Variants in GPHN observed in about 807,000 individuals in gnomAD.
GPHN encodes gephyrin.
Under a neutral mutation model 95.5 loss-of-function variants are expected in GPHN, and 17 were observed. That is an observed-to-expected ratio of 0.18 (90% CI 0.12 to 0.27). The LOEUF is 0.27. Among genes scored for constraint, GPHN ranks in the 10% least tolerant of loss-of-function variants. The pLI is 1.00. For missense variants in GPHN, 660 were observed against 978.1 expected, an observed-to-expected ratio of 0.67 and a Z score of 4.34; for synonymous variants, 320 against 322.5, an observed-to-expected ratio of 0.99 and a Z score of 0.08.
chr14:67,333,549 T>C, the GPHN span: 6 of 152,652 alleles, frequency 3.9e-5, no homozygotes, highest in Non-Finnish European at 8.8e-5. Context: ...GTCTTTTGAT[T>C]CTTAAAAAAA....
chr14:67,317,441 A>G, the GPHN span: 1 of 1,612,506 alleles, frequency 6.2e-7, no homozygotes, highest in South Asian at 1.1e-5. Context: ...AATAAAAAGA[A>G]GAGGAAAAAG....
intron 8 of GPHN, among the ~76,000 whole-genome samples, chr14:66,952,779 C>T (rs1350547367): frequency 2.0e-5 from 3 of 152,176 alleles, no homozygotes; most frequent in Non-Finnish European, 4.4e-5. Context: ...ACTGCAACCT[C>T]AGCCTCCCGG....
the GPHN span, among the ~76,000 whole-genome samples, chr14:67,594,445 G>A: frequency 1.3e-5 from 2 of 151,998 alleles, no homozygotes; most frequent in Admixed American, 6.6e-5. Flanking sequence ...TCAAGAGATC[G>A]AGACCATCCT....
rs974341018 is a variant in GPHN, at chr14:66,894,666, A to T, written c.389+14633A>T. Among the ~76,000 whole-genome samples the T allele has an allele frequency of 1.8e-4, 28 of 152,208 alleles. 1 individual carries two copies. The highest frequency in any genetic ancestry group is 6.8e-4 in the African/African-American group (28 of 41,446). ...CAAAGCACTCAAACAAATTTGCAAG[A>T]AAAAAACAACCCCATCAACAAGTGG... On this transcript the variant is annotated intron_variant, in intron 5 of 22. Transcript: ENST00000478722.
the GPHN span, among the ~76,000 whole-genome samples, chr14:67,482,517 C>A: frequency 6.6e-6 from 1 of 152,176 alleles, no homozygotes; most frequent in African/African-American, 2.4e-5. Context: ...AGCTTCACTC[C>A]CCATCCCCAG....
the GPHN span, among the ~76,000 whole-genome samples, chr14:67,382,961 TAGTA>T: frequency 6.6e-6 from 1 of 152,134 alleles, no homozygotes; most frequent in Admixed American, 6.5e-5. Context: ...ACTAGTAAGC[TAGTA>T]AGTAGTAGTT....
intron 18 of GPHN, among the ~76,000 whole-genome samples, chr14:67,155,205 C>T (rs1259825133): frequency 6.6e-6 from 1 of 152,212 alleles, no homozygotes; most frequent in Non-Finnish European, 1.5e-5. Context: ...AGACAATCTG[C>T]AGATAAACTA....
chr14:66,710,753 T>A (rs2069540930), intron 2 of GPHN, among the ~76,000 whole-genome samples: 1 of 152,154 alleles, frequency 6.6e-6, no homozygotes, highest in African/African-American at 2.4e-5. Flanking sequence ...TTCCACTAAA[T>A]AGGGCTTTTT....
At chr14:67,096,945 G>A (rs1278781629) in intron 12 of GPHN, among the ~76,000 whole-genome samples, 1 of 151,960 alleles carries the variant, frequency 6.6e-6, no homozygotes, top group Non-Finnish European at 1.5e-5. Context: ...ATATGGATCA[G>A]CAAAAAGTAT....
At chr14:67,124,244 A>G (rs796352977) in intron 17 of GPHN, among the ~76,000 whole-genome samples, 48 of 152,106 alleles carry the variant, frequency 3.2e-4, no homozygotes, top group African/African-American at 1.1e-3. Context: ...TGTCTCTACT[A>G]AAAATATGAA....
rs1032731974 is a variant in GPHN at position 67,093,006 on chromosome 14, G to C, written c.1237+3931G>C. The stretch of plus-strand genomic sequence containing the variant: ...GGGCAAAAATATGTTAGAACTCCAA[G>C]TTCAGCTTTCTTGAAAAAGTTCAAT... On this transcript the variant is annotated intron_variant, in intron 12 of 22. Transcript: ENST00000478722. Among the ~76,000 whole-genome samples the C allele has an allele frequency of 2.0e-5, 3 of 152,002 alleles. No individual in the cohort carries two copies. The East Asian group carries it at 5.8e-4, about 29-fold the overall frequency.
chr14:66,545,211 AC>A (rs537758341), intron 1 of GPHN, among the ~76,000 whole-genome samples: 119 of 141,102 alleles, frequency 8.4e-4, no homozygotes, highest in Middle Eastern at 3.8e-3. Context: ...CGGGGGGCTG[AC>A]CCCCCCACCT....
chr14:67,088,581 A>G (rs1323946187), intron 11 of GPHN, among the ~76,000 whole-genome samples: 1 of 152,194 alleles, frequency 6.6e-6, no homozygotes, highest in Non-Finnish European at 1.5e-5. Context: ...AAACATATAC[A>G]GAAACATTTA....
At chr14:66,926,521 T>A (rs1236878299) in intron 8 of GPHN, among the ~76,000 whole-genome samples, 1 of 152,200 alleles carries the variant, frequency 6.6e-6, no homozygotes, top group African/African-American at 2.4e-5. Flanking sequence ...CTTTCCCCAA[T>A]GTATGTTCTT....
chr14:66,785,808 T>C (rs2059755651), intron 3 of GPHN, among the ~76,000 whole-genome samples: 1 of 146,444 alleles, frequency 6.8e-6, no homozygotes, highest in African/African-American at 2.5e-5. Context: ...CTCTAGTAAA[T>C]AATCAAATAA....
chr14:66,851,628 G>A (rs1183160125), intron 4 of GPHN, among the ~76,000 whole-genome samples: 1 of 152,162 alleles, frequency 6.6e-6, no homozygotes, highest in Non-Finnish European at 1.5e-5. Flanking sequence ...GGTCAGTTTG[G>A]CTGCAGAATG....
intron 12 of GPHN, among the ~76,000 whole-genome samples, chr14:67,091,218 G>A (rs529232792): frequency 7.0e-4 from 106 of 151,984 alleles, no homozygotes; most frequent in African/African-American, 2.5e-3. Flanking sequence ...CACTAGATTA[G>A]AATACTTCTG....
At chr14:67,039,677 C>T (rs2153635402) in intron 10 of GPHN, among the ~76,000 whole-genome samples, 1 of 152,270 alleles carries the variant, frequency 6.6e-6, no homozygotes, top group African/African-American at 2.4e-5. Flanking sequence ...GCTGTAGTCT[C>T]AGCTACTCAG....
chr14:66,982,719 C>T (rs115500605), intron 9 of GPHN, among the ~76,000 whole-genome samples: 2,303 of 152,256 alleles, frequency 0.015, 33 homozygotes, highest in Non-Finnish European at 0.018. Flanking sequence ...ATTTACTCCA[C>T]AATCCTCACA....
Sources: gnomAD v4.1 joint callset for allele counts (sites outside exome capture counted in the v4.1 genomes callset) on GRCh38, gnomAD v4.1.1 for gene constraint, MANE v1.5 for transcripts, NCBI Gene and HGNC (gene_info 2026-07-23, HGNC 2026-07-21) for gene names.